The following NRXN3 variants were observed in gnomAD, a reference collection of about 807,000 sequenced individuals.
NRXN3 encodes the protein neurexin 3, also known as neurexin III.
A neutral mutation model predicts 137.6 loss-of-function variants in NRXN3; 32 were observed. That is an observed-to-expected ratio of 0.23 (90% CI 0.18 to 0.31). The LOEUF is 0.31. Ranked by LOEUF, NRXN3 falls within the 10% of genes least tolerant of loss-of-function variation. The pLI is 1.00. For missense variants in NRXN3, 1,574 were observed against 2,062.5 expected (o/e 0.76, Z 4.59); for synonymous variants, 798 against 784.5 (o/e 1.02, Z -0.29).
chr14:78,498,874 C>T (rs2095835398), intron 4 of NRXN3, among the ~76,000 whole-genome samples: 1 of 151,922 alleles, frequency 6.6e-6, no homozygotes, highest in African/African-American at 2.4e-5. Flanking sequence ...GATTCTTTTG[C>T]CTCAGCCTCC....
chr14:79,767,878 G>A (rs1376681154), intron 19 of NRXN3, among the ~76,000 whole-genome samples: 1 of 152,148 alleles, frequency 6.6e-6, no homozygotes, highest in Admixed American at 6.5e-5. Context: ...ATCTCACTAG[G>A]GAGTGCAAGA....
intron 15 of NRXN3, among the ~76,000 whole-genome samples, chr14:79,358,857 C>G (rs2093582959): frequency 6.6e-6 from 1 of 152,086 alleles, no homozygotes; most frequent in African/African-American, 2.4e-5. Context: ...TCCTCATACC[C>G]TTAAAGATGT....
chr14:79,517,097 C>CCG (rs1555499633), intron 16 of NRXN3, among the ~76,000 whole-genome samples: 2 of 136,350 alleles, frequency 1.5e-5, no homozygotes, highest in African/African-American at 6.1e-5. Flanking sequence ...GTACAGCCCC[C>CCG]CCCCCCTCAA....
intron 20 of NRXN3, among the ~76,000 whole-genome samples, chr14:79,820,040 A>G (rs2099266544): frequency 7.5e-6 from 1 of 133,182 alleles, no homozygotes; most frequent in African/African-American, 2.9e-5. Flanking sequence ...CCGCCCACAT[A>G]CTGTGTCATA....
intron 6 of NRXN3, among the ~76,000 whole-genome samples, chr14:78,675,146 G>A (rs1373077620): frequency 1.3e-5 from 2 of 152,146 alleles, no homozygotes; most frequent in Non-Finnish European, 2.9e-5. Context: ...TCCTTGTCCT[G>A]TGAACAGACA....
At chr14:78,516,153 A>AT (rs2096203149) in intron 4 of NRXN3, among the ~76,000 whole-genome samples, 1 of 152,016 alleles carries the variant, frequency 6.6e-6, no homozygotes, top group East Asian at 1.9e-4. Flanking sequence ...ACCAACAGCC[A>AT]ATGGCTTCCA....
intron 19 of NRXN3, among the ~76,000 whole-genome samples, chr14:79,730,246 G>T (rs780830754): frequency 6.6e-6 from 1 of 152,072 alleles, no homozygotes; most frequent in Non-Finnish European, 1.5e-5. Flanking sequence ...ACTTTGGTGA[G>T]CCATACCAGG....
chr14:78,771,441 A>G (rs2098727534), intron 8 of NRXN3, among the ~76,000 whole-genome samples: 1 of 152,246 alleles, frequency 6.6e-6, no homozygotes, highest in Non-Finnish European at 1.5e-5. Flanking sequence ...ACAAGCACAC[A>G]TGAAGCAATG....
chr14:79,712,429 T>C (rs182622119), intron 19 of NRXN3, among the ~76,000 whole-genome samples: 13 of 152,324 alleles, frequency 8.5e-5, no homozygotes, highest in Admixed American at 2.0e-4. Flanking sequence ...ATATCGCCTA[T>C]TGAAAACAAT....
At chr14:79,022,758 A>C (rs2099591730) in intron 15 of NRXN3, among the ~76,000 whole-genome samples, 1 of 152,164 alleles carries the variant, frequency 6.6e-6, no homozygotes, top group South Asian at 2.1e-4. Flanking sequence ...GCCAAAATAC[A>C]AAAGTGCTGG....
chr14:79,406,993 C>G (rs1351605426), intron 15 of NRXN3, among the ~76,000 whole-genome samples: 1 of 152,142 alleles, frequency 6.6e-6, no homozygotes, highest in East Asian at 1.9e-4. Flanking sequence ...AAAGGGACCT[C>G]TATGGTCCCC....
intron 4 of NRXN3, among the ~76,000 whole-genome samples, chr14:78,312,596 C>T (rs762412460): frequency 3.6e-5 from 5 of 139,562 alleles, no homozygotes; most frequent in Non-Finnish European, 7.8e-5. Context: ...TTTTTTTTTT[C>T]AAGTGAGAGT....
At chr14:79,447,105 C>T (rs74068665) in intron 15 of NRXN3, among the ~76,000 whole-genome samples, 3,749 of 152,284 alleles carry the variant, frequency 0.025, 73 homozygotes, top group South Asian at 0.062. Flanking sequence ...CAGTGTTAGA[C>T]ATTGTGGAGA....
chr14:78,306,965 A>T (rs1354977587), intron 4 of NRXN3, among the ~76,000 whole-genome samples: 1 of 150,210 alleles, frequency 6.7e-6, no homozygotes, highest in Non-Finnish European at 1.5e-5. Flanking sequence ...CATTGTTTTT[A>T]ATGTATTTTT....
intron 20 of NRXN3, among the ~76,000 whole-genome samples, chr14:79,841,860 C>T (rs2099356517): frequency 6.6e-6 from 1 of 152,144 alleles, no homozygotes; most frequent in Admixed American, 6.5e-5. Flanking sequence ...TAAGAAGGTC[C>T]AATTTGCATT....
At chr14:78,960,850 A>G (rs1320071245) in intron 11 of NRXN3, among the ~76,000 whole-genome samples, 1 of 152,174 alleles carries the variant, frequency 6.6e-6, no homozygotes, top group African/African-American at 2.4e-5. Context: ...TTTTCCATTT[A>G]AAATGTATTT....
intron 1 of NRXN3, among the ~76,000 whole-genome samples, chr14:78,226,003 G>T (rs905598264): frequency 1.3e-5 from 2 of 150,760 alleles, no homozygotes; most frequent in East Asian, 2.0e-4. Flanking sequence ...GTGTGTGTGT[G>T]TGTGTGTGTG....
At chr14:78,394,320 A>G (rs1203506786) in intron 4 of NRXN3, among the ~76,000 whole-genome samples, 1 of 152,098 alleles carries the variant, frequency 6.6e-6, no homozygotes, top group Admixed American at 6.5e-5. Context: ...TTATGTGTCA[A>G]TTGATATAAC....
intron 1 of NRXN3, among the ~76,000 whole-genome samples, chr14:78,224,185 C>CA (rs796450797): frequency 2.7e-5 from 4 of 147,328 alleles, no homozygotes; most frequent in Non-Finnish European, 6.0e-5. Flanking sequence ...CTCAACAAGA[C>CA]TTTTTTTTTT....
Sources: allele counts gnomAD v4.1 joint callset (sites outside exome capture counted in the v4.1 genomes callset), GRCh38; gene constraint gnomAD v4.1.1; transcripts MANE v1.5; gene names NCBI Gene and HGNC (gene_info 2026-07-23, HGNC 2026-07-21).